The following NALCN variants were observed in gnomAD, a reference collection of about 807,000 sequenced individuals.
The protein encoded by NALCN is sodium leak channel NALCN.
A neutral mutation model predicts 225.3 loss-of-function variants in NALCN; 111 were observed. The ratio of observed to expected loss-of-function variants is 0.49; its 90% confidence interval spans 0.42 to 0.58. The LOEUF (loss-of-function observed/expected upper bound fraction) is 0.58, where lower values mean the gene tolerates loss of function less well. Ranked by LOEUF, NALCN falls within the 20% of genes least tolerant of loss-of-function variation. The probability of loss-of-function intolerance (pLI) is 0.00; values close to 1 mark genes in which losing one functional copy is unlikely to be tolerated. For synonymous variants in NALCN, 764 were observed against 769.0 expected, an observed-to-expected ratio of 0.99 and a Z score of 0.11; for missense variants, 1,378 against 2,202.4, an observed-to-expected ratio of 0.63 and a Z score of 7.49.
intron 6 of NALCN, among the ~76,000 whole-genome samples, chr13:101,360,193 TCTCTCTCTC>T (rs1566614928): frequency 0.06 from 2,823 of 46,764 alleles, 119 homozygotes; most frequent in African/African-American, 0.27. Flanking sequence ...TCTCTTCCTC[TCTCTCTCTC>T]TCTCTCTCTC....
intron 7 of NALCN, among the ~76,000 whole-genome samples, chr13:101,312,843 T>C (rs2044399223): frequency 6.6e-6 from 1 of 152,126 alleles, no homozygotes; most frequent in African/African-American, 2.4e-5. Context: ...TTAAAGTTCA[T>C]ATGGAACCAA....
intron 14 of NALCN, among the ~76,000 whole-genome samples, chr13:101,189,417 C>T (rs544905341): frequency 1.1e-3 from 170 of 152,252 alleles, no homozygotes; most frequent in Middle Eastern, 3.4e-3. Context: ...ACCGTCTTAT[C>T]TACATTTAAA....
intron 15 of NALCN, among the ~76,000 whole-genome samples, chr13:101,156,263 G>A (rs1274503296): frequency 6.6e-6 from 1 of 152,004 alleles, no homozygotes; most frequent in East Asian, 1.9e-4. Flanking sequence ...CTCATCTTGT[G>A]TTCTCTTTAA....
intron 14 of NALCN, among the ~76,000 whole-genome samples, chr13:101,190,583 A>G (rs1485133879): frequency 6.6e-6 from 1 of 152,218 alleles, no homozygotes; most frequent in Non-Finnish European, 1.5e-5. Flanking sequence ...AAAAAGGCCA[A>G]AACTATGTCT....
At chr13:101,405,288 C>T (rs535769694) in intron 1 of NALCN, among the ~76,000 whole-genome samples, 30 of 152,310 alleles carry the variant, frequency 2.0e-4, no homozygotes, top group African/African-American at 6.5e-4. Context: ...AGACAGAAGA[C>T]ATGTCCATTC....
chr13:101,248,033 A>G (rs375695406), intron 11 of NALCN, among the ~76,000 whole-genome samples: 2 of 152,184 alleles, frequency 1.3e-5, no homozygotes, highest in Non-Finnish European at 2.9e-5. Flanking sequence ...TCCATAGTGT[A>G]TACGTACCAC....
intron 13 of NALCN, among the ~76,000 whole-genome samples, chr13:101,194,935 C>T (rs1431649701): frequency 6.6e-6 from 1 of 152,026 alleles, no homozygotes; most frequent in Non-Finnish European, 1.5e-5. Context: ...ACCTGGGAGG[C>T]GGAGGTTTCA....
rs530500432 is a variant in NALCN, at chr13:101,055,279, C to T, written c.*16G>A. 6.2e-7 allele frequency: 1 copy of T among 1,601,154 alleles called. No homozygotes were observed. Among genetic ancestry groups the T allele is most frequent in the Admixed American group, 1.7e-5 (1 of 58,928 alleles). ...ACGGTTTCCACCACTAGAAATTCAT[C>T]TACATTGACATCCACCTAAATATCC... On this transcript the variant is annotated 3_prime_UTR_variant, in exon 44 of 44. Transcript: ENST00000251127.
intron 6 of NALCN, among the ~76,000 whole-genome samples, chr13:101,365,162 C>T (rs1010717295): frequency 1.3e-5 from 2 of 152,064 alleles, no homozygotes; most frequent in African/African-American, 4.8e-5. Context: ...AAGCATAGCA[C>T]CCGATAGGTA....
intron 11 of NALCN, among the ~76,000 whole-genome samples, chr13:101,238,480 T>C (rs2041644771): frequency 6.6e-6 from 1 of 151,994 alleles, no homozygotes; most frequent in Admixed American, 6.6e-5. Context: ...ATTAATAAAA[T>C]TAATGATCAA....
chr13:101,298,199 T>C (rs1486222920), intron 7 of NALCN, among the ~76,000 whole-genome samples: 1 of 152,242 alleles, frequency 6.6e-6, no homozygotes, highest in Non-Finnish European at 1.5e-5. Flanking sequence ...AAATAAGAGC[T>C]TGATGTTTTC....
At chr13:101,170,740 G>A (rs1254301234) in intron 15 of NALCN, among the ~76,000 whole-genome samples, 1 of 152,216 alleles carries the variant, frequency 6.6e-6, no homozygotes, top group African/African-American at 2.4e-5. Context: ...CAGGATTCAA[G>A]TGAGACTGGA....
intron 6 of NALCN, among the ~76,000 whole-genome samples, chr13:101,352,731 A>G (rs2045941905): frequency 6.6e-6 from 1 of 152,218 alleles, no homozygotes; most frequent in Admixed American, 6.5e-5. Flanking sequence ...TACTCACAAA[A>G]TAAATTATTA....
chr13:101,337,416 C>T (rs1381338755), intron 7 of NALCN, among the ~76,000 whole-genome samples: 2 of 152,046 alleles, frequency 1.3e-5, no homozygotes, highest in African/African-American at 4.8e-5. Context: ...TCAAGCGATT[C>T]TCCTGCCTCA....
intron 15 of NALCN, among the ~76,000 whole-genome samples, chr13:101,169,087 T>C (rs1206234277): frequency 6.6e-6 from 1 of 152,210 alleles, no homozygotes; most frequent in Non-Finnish European, 1.5e-5. Context: ...TCATCACCAC[T>C]GAACCCAAAC....
At chr13:101,256,433 T>C (rs770104240) in intron 11 of NALCN, among the ~76,000 whole-genome samples, 9 of 152,182 alleles carry the variant, frequency 5.9e-5, no homozygotes, top group Non-Finnish European at 1.3e-4. Flanking sequence ...TAAAGGTGGA[T>C]TGATTTAAAT....
chr13:101,211,626 G>T lies in NALCN; in HGVS notation c.1626+17767C>A, dbSNP rs200770080. Among the ~76,000 whole-genome samples, 678 of 139,042 alleles carry T rather than the reference G, an allele frequency of 4.9e-3. 3 individuals carry two copies. Among genetic ancestry groups the T allele is most frequent in the East Asian group, 0.023 (116 of 4,982 alleles). 91.2% of individuals were successfully genotyped at this position (139,042 alleles called of 152,430 possible). On this transcript the variant is annotated intron_variant, in intron 13 of 43. Coordinates refer to ENST00000251127, the MANE Select transcript of NALCN (RefSeq NM_052867.4). ...GAAAATTAATTTTACAGTTTTTTTTGGGGGGGGAGACAATGACAATAAACT... is the reference window on the plus strand; with the variant it reads ...GAAAATTAATTTTACAGTTTTTTTTTGGGGGGGAGACAATGACAATAAACT...
chr13:101,056,399 T>A (rs2031266256), intron 43 of NALCN, among the ~76,000 whole-genome samples: 1 of 151,802 alleles, frequency 6.6e-6, no homozygotes, highest in Non-Finnish European at 1.5e-5. Context: ...CAGCTGGGAT[T>A]ACAGGTGCAC....
At chr13:101,377,914 T>C (rs987269438) in intron 4 of NALCN, among the ~76,000 whole-genome samples, 1 of 152,158 alleles carries the variant, frequency 6.6e-6, no homozygotes, top group African/African-American at 2.4e-5. Context: ...CAGAAATTAA[T>C]TCTACTTATT....
Sources: gnomAD v4.1 joint callset for allele counts (sites outside exome capture counted in the v4.1 genomes callset) on GRCh38, gnomAD v4.1.1 for gene constraint, MANE v1.5 for transcripts, NCBI Gene and HGNC (gene_info 2026-07-23, HGNC 2026-07-21) for gene names.